The following SCRN3 variants were observed in gnomAD, a reference collection of about 807,000 sequenced individuals.
SCRN3 encodes secernin-3.
A neutral mutation model predicts 43.1 loss-of-function variants in SCRN3; 39 were observed. That is an observed-to-expected ratio of 0.91 (90% CI 0.70 to 1.18). The LOEUF (loss-of-function observed/expected upper bound fraction) is 1.18. Among genes scored for constraint, SCRN3 ranks in the 50% most tolerant of loss-of-function variants. The pLI, the probability that SCRN3 is intolerant of heterozygous loss-of-function variation, is 0.00. For missense variants in SCRN3, 484 were observed against 498.0 expected (o/e 0.97, Z 0.27); for synonymous variants, 147 against 163.1 (o/e 0.90, Z 0.75).
chr2:174,423,157 A>G (rs919749724), intron 6 of SCRN3, 110 bp downstream of exon 6: 11 of 736,770 alleles, frequency 1.5e-5, no homozygotes, highest in South Asian at 2.9e-5. Flanking sequence ...CTAGGACAAT[A>G]ATTTTTAATA....
rs1686412420 is a variant in SCRN3, at chr2:174,424,504, C to T, written c.947C>T (p.Pro316Leu). 1 of 1,608,060 alleles carries T rather than the reference C, an allele frequency of 6.2e-7. No individual in the cohort carries two copies. Among genetic ancestry groups the T allele is most frequent in the Non-Finnish European group, 8.5e-7 (1 of 1,176,520 alleles). The stretch of plus-strand genomic sequence containing the variant: ...GTTTTTAAGCCTTTCATATTTGTGC[C>T]ACATATTTCACAACTATTGGATACC... ...RSVFKPFIFVPHISQLLDTSS... is the reference protein window; with the variant it reads ...RSVFKPFIFVLHISQLLDTSS... Residue 316 changes from proline (P) to leucine (L), a missense_variant, in exon 7 of 8, where the codon CCA becomes CTA. Physicochemically the swap from Pro to Leu is moderately conservative, Grantham distance 98. Transcript: ENST00000272732.
chr2:174,399,644 T>A (rs1685435359), intron 2 of SCRN3, among the ~76,000 whole-genome samples: 1 of 152,240 alleles, frequency 6.6e-6, no homozygotes, highest in South Asian at 2.1e-4. Context: ...AAAAGTGAGA[T>A]CTTTATCTGA....
At chr2:174,424,670 T>C (rs1686421690) in intron 7 of SCRN3, 21 bp downstream of exon 7, 1 of 1,568,306 alleles carries the variant, frequency 6.4e-7, no homozygotes, top group African/African-American at 1.4e-5. Context: ...TTATATTCTT[T>C]GTTATATCAT....
At position 174,399,974 on chromosome 2, in the gene SCRN3, G is replaced by A. The variant is rs370688136; in HGVS notation, c.212G>A (p.Ser71Asn). The change falls in exon 3 of 8, where the codon AGT becomes AAT. Residue 71 changes from serine (S) to asparagine (N), a missense_variant. Ser to Asn is a conservative substitution (Grantham distance 46). Coordinates refer to ENST00000272732, the MANE Select transcript of SCRN3 (RefSeq NM_024583.5). The stretch of plus-strand genomic sequence containing the variant: ...CCTGAAACATATGCTGTTGTCCTGA[G>A]TCGCCCAGCGTGGTTGTGGGGGGCA... The part of the protein sequence containing the change: ...QVPETYAVVL[S>N]RPAWLWGAEM... 4.1e-5 allele frequency: 64 copies of A among 1,579,592 alleles called. No individual in the cohort carries two copies. The African/African-American group carries it at 8.0e-4, about 20-fold the overall frequency.
At chr2:174,424,938 C>T (rs1686431142) in intron 7 of SCRN3, among the ~76,000 whole-genome samples, 1 of 152,112 alleles carries the variant, frequency 6.6e-6, no homozygotes, top group South Asian at 2.1e-4. Flanking sequence ...TCTTCACAAC[C>T]ACTTTATGAA....
intron 5 of SCRN3, among the ~76,000 whole-genome samples, chr2:174,411,240 C>T (rs957378384): frequency 2.6e-5 from 4 of 152,080 alleles, no homozygotes; most frequent in Admixed American, 2.6e-4. Context: ...AGACAAGATC[C>T]CAGCATACCT....
intron 2 of SCRN3, 45 bp downstream of exon 2, chr2:174,398,487 A>C: frequency 6.6e-7 from 1 of 1,512,532 alleles, no homozygotes. Flanking sequence ...TTTTAAAAAT[A>C]TCATAAAGTT....
intron 5 of SCRN3, among the ~76,000 whole-genome samples, chr2:174,422,008 AAAG>A (rs1686309635): frequency 6.6e-6 from 1 of 152,190 alleles, no homozygotes; most frequent in African/African-American, 2.4e-5. Flanking sequence ...TAATTGATAA[AAAG>A]AAGACAAGAA....
chr2:174,402,668 G>A (rs896095677), intron 4 of SCRN3, among the ~76,000 whole-genome samples: 1 of 152,156 alleles, frequency 6.6e-6, no homozygotes, highest in African/African-American at 2.4e-5. Flanking sequence ...TAGCCTGGGC[G>A]AGAGAGTGAG....
chr2:174,417,833 A>G (rs1235425673), intron 5 of SCRN3, among the ~76,000 whole-genome samples: 1 of 152,216 alleles, frequency 6.6e-6, no homozygotes, highest in African/African-American at 2.4e-5. Flanking sequence ...CTCAGCACCT[A>G]ATTCATTATG....
chr2:174,399,899 C>T lies in SCRN3; in HGVS notation c.160-23C>T, dbSNP rs1308283440. Reference sequence around the variant, plus strand: ...TCTGGTTTTGTGGTTCTTGCTATGACTTTTTTTTTTTTTTTTTTACAGTGT... The same window carrying T: ...TCTGGTTTTGTGGTTCTTGCTATGATTTTTTTTTTTTTTTTTTTACAGTGT... On this transcript the variant is annotated intron_variant, in intron 2 of 7. Transcript: ENST00000272732. 6.1e-6 allele frequency: 7 copies of T among 1,154,890 alleles called. No individual in the cohort carries two copies. In the African/African-American group the frequency reaches 7.1e-5, roughly 12 times the overall value. 71.5% of individuals were successfully genotyped at this position (1,154,890 alleles called of 1,614,324 possible). A position where few individuals can be genotyped will look rare whatever the true frequency, so the allele number is the denominator to read the frequency against.
chr2:174,396,501 TAAG>T (rs1685316482), intron 1 of SCRN3, among the ~76,000 whole-genome samples: 1 of 152,126 alleles, frequency 6.6e-6, no homozygotes, highest in Non-Finnish European at 1.5e-5. Context: ...AGGGTAATGT[TAAG>T]AATAAACCTT....
chr2:174,395,899 C>T (rs548328096), intron 1 of SCRN3, 82 bp downstream of exon 1: 2 of 1,429,962 alleles, frequency 1.4e-6, no homozygotes, highest in Non-Finnish European at 1.8e-6. Flanking sequence ...CACTGCTTGA[C>T]CGAGGGGCTC....
intron 6 of SCRN3, among the ~76,000 whole-genome samples, 192 bp downstream of exon 6, chr2:174,423,239 G>A (rs1686357438): frequency 3.9e-5 from 6 of 152,152 alleles, no homozygotes; most frequent in Admixed American, 3.9e-4. Context: ...GGAAGGAAAT[G>A]TGAATAGTTT....
At chr2:174,418,411 G>T (rs1023836) in intron 5 of SCRN3, among the ~76,000 whole-genome samples, 12,025 of 152,126 alleles carry the variant, frequency 0.079, 1,535 homozygotes, top group African/African-American at 0.27. Context: ...TGTTAACTGT[G>T]CTGCATGTAT....
In SCRN3 at chr2:174,422,924, A is replaced by T; in HGVS notation, c.794A>T (p.Asp265Val). ...GAAACAATGATGGAAATTCTTCGAG[A>T]TAAACCAAGTGGCATTAATATGGAG... ...TFETMMEILR[D>V]KPSGINMEGE... Residue 265 changes from aspartate to valine, a missense_variant, in exon 6 of 8, where the codon GAT becomes GTT. By Grantham distance (152) the Asp-to-Val change is radical. Coordinates refer to ENST00000272732, the MANE Select transcript of SCRN3 (RefSeq NM_024583.5). The T allele has an allele frequency of 6.2e-7, 1 of 1,611,280 alleles. No individual in the cohort carries two copies. The highest frequency in any genetic ancestry group is 8.5e-7 in the Non-Finnish European group (1 of 1,177,588).
intron 4 of SCRN3, among the ~76,000 whole-genome samples, chr2:174,403,455 C>T (rs755369908): frequency 1.3e-5 from 2 of 152,136 alleles, no homozygotes; most frequent in Non-Finnish European, 2.9e-5. Flanking sequence ...AAACTAGGAA[C>T]AATTCAGATA....
chr2:174,422,528 T>C (rs62173634), intron 5 of SCRN3, among the ~76,000 whole-genome samples: 29,311 of 150,020 alleles, frequency 0.2, 3,326 homozygotes, highest in Middle Eastern at 0.38. Flanking sequence ...GAGCCAAGAT[T>C]GCACCACTGC....
rs528997900 is a variant in SCRN3 at position 174,403,800 on chromosome 2, GGTTGTGATATTATACTACA to G, written c.542-299_542-281del. 3.5e-4 allele frequency among the ~76,000 whole-genome samples: 53 copies of G among 152,222 alleles called. No individual in the cohort carries two copies. In the South Asian group the frequency reaches 0.011, roughly 31 times the overall value. ...TTGACTATAGCAATACCAATATTCT[GGTTGTGATATTATACTACA>G]GTTTGGCAAGATGTTACCATTGGGG... On this transcript the variant is annotated intron_variant, in intron 4 of 7. Transcript: ENST00000272732.
Sources: allele counts gnomAD v4.1 joint callset (sites outside exome capture counted in the v4.1 genomes callset), GRCh38; gene constraint gnomAD v4.1.1; transcripts MANE v1.5; gene names NCBI Gene and HGNC (gene_info 2026-07-23, HGNC 2026-07-21).